HDAC7: variants seen among roughly 807,000 people sequenced by gnomAD.
HDAC7 encodes the protein histone deacetylase 7, also known as histone deacetylase 7A.
HDAC7 carries 26 observed loss-of-function variants against 115.5 expected under a neutral mutation model. The observed-to-expected ratio is 0.23, with a 90% confidence interval of 0.16 to 0.31. The LOEUF (loss-of-function observed/expected upper bound fraction) is 0.31, where lower values mean the gene tolerates loss of function less well. Ranked by LOEUF, HDAC7 falls within the 10% of genes least tolerant of loss-of-function variation. HDAC7 has a pLI of 1.00. For missense variants in HDAC7, 1,068 were observed against 1,329.0 expected, an observed-to-expected ratio of 0.80 and a Z score of 3.05; for synonymous variants, 564 against 550.9, an observed-to-expected ratio of 1.02 and a Z score of -0.33.
chr12:47,792,564 C>A, intron 13 of HDAC7: 1 of 449,748 alleles, frequency 2.2e-6, no homozygotes, highest in Non-Finnish European at 4.5e-6. Context: ...GAGGAGGGTC[C>A]TGCTCATTGC....
Position 47,786,713 on chromosome 12 carries a change from C to T in HDAC7, c.2454-10G>A. 5.0e-6 allele frequency: 8 copies of T among 1,606,160 alleles called. No homozygotes were observed. Among genetic ancestry groups the T allele is most frequent in the Non-Finnish European group, 6.8e-6 (8 of 1,172,966 alleles). The stretch of plus-strand genomic sequence containing the variant: ...GGGCATCACGACTATCCTGTGAGGT[C>T]ACAAGAAGTGGCGATCATCGTACTG... On this transcript the variant is annotated splice_polypyrimidine_tract_variant and intron_variant, in intron 21 of 25. Transcript: ENST00000080059.
chr12:47,805,254 T>TG (rs1944347646), intron 1 of HDAC7, among the ~76,000 whole-genome samples: 1 of 151,258 alleles, frequency 6.6e-6, no homozygotes, highest in Non-Finnish European at 1.5e-5. Context: ...TTGTTTTGTT[T>TG]TGTTGTTTTT....
intron 17 of HDAC7, 28 bp downstream of exon 17, chr12:47,789,785 G>A: frequency 3.2e-6 from 5 of 1,556,048 alleles, no homozygotes; most frequent in Non-Finnish European, 4.4e-6. Flanking sequence ...CCTTTGTGGT[G>A]TGTCCACCTT....
At chr12:47,807,265 C>T (rs2137036716) in intron 1 of HDAC7, among the ~76,000 whole-genome samples, 1 of 152,308 alleles carries the variant, frequency 6.6e-6, no homozygotes. Context: ...TATCCCCAGC[C>T]TCTCCCAACT....
Position 47,795,504 on chromosome 12 carries a change from G to A in HDAC7, c.1087+83C>T. 1 of 1,448,982 alleles carries A rather than the reference G, an allele frequency of 6.9e-7. No individual in the cohort carries two copies. The highest frequency in any genetic ancestry group is 9.4e-7 in the Non-Finnish European group (1 of 1,061,094). 89.8% of individuals were successfully genotyped at this position (1,448,982 alleles called of 1,614,324 possible). Reference sequence around the variant, plus strand: ...CGCAGGACAGGGGGACAGAGATGGGGAGGAAGGATGGGTCCATCCCAAGCT... The same window carrying A: ...CGCAGGACAGGGGGACAGAGATGGGAAGGAAGGATGGGTCCATCCCAAGCT... On this transcript the variant is annotated intron_variant, in intron 10 of 25. Coordinates refer to ENST00000080059, the MANE Select transcript of HDAC7 (RefSeq NM_015401.5). The surrounding 1 kb of genome is among the most constrained non-coding windows in gnomAD (Gnocchi z 4.3).
At chr12:47,799,046 T>G in intron 2 of HDAC7, 74 bp from the exon 3 acceptor site, 1 of 1,026,812 alleles carries the variant, frequency 9.7e-7, no homozygotes, top group Non-Finnish European at 1.4e-6. Context: ...TGATCCCCCC[T>G]CAGCCTCCCT....
At chr12:47,806,704 A>C (rs1944420187) in intron 1 of HDAC7, among the ~76,000 whole-genome samples, 1 of 151,996 alleles carries the variant, frequency 6.6e-6, no homozygotes, top group African/African-American at 2.4e-5. Flanking sequence ...CAAAAACAAA[A>C]ACAAACAAAA....
intron 1 of HDAC7, among the ~76,000 whole-genome samples, chr12:47,806,433 T>C (rs1470096369): frequency 3.9e-5 from 6 of 152,116 alleles, no homozygotes; most frequent in African/African-American, 1.4e-4. Context: ...TCCCAGAACT[T>C]TGGGGAAGTT....
chr12:47,796,699 T>A (rs1446602457), intron 7 of HDAC7, among the ~76,000 whole-genome samples: 2 of 152,134 alleles, frequency 1.3e-5, no homozygotes, highest in African/African-American at 4.8e-5. Flanking sequence ...GCTGAGATTA[T>A]AGGCGTGAAC....
rs1261025772 is a variant in HDAC7, at chr12:47,791,312, C to A, written c.1934-4G>T. 3 of 1,586,024 alleles carry A rather than the reference C, an allele frequency of 1.9e-6. No homozygotes were observed. Among genetic ancestry groups the A allele is most frequent in the Non-Finnish European group, 1.7e-6 (2 of 1,166,214 alleles). On this transcript the variant is annotated splice_polypyrimidine_tract_variant and splice_region_variant and intron_variant, in intron 15 of 25. Transcript: ENST00000080059. Reference sequence around the variant, plus strand: ...AACATCCGCTGTGCCAGGAGCCCTGCGGGGAGAGGCCCAGCCCACGTCAGC... The same window carrying A: ...AACATCCGCTGTGCCAGGAGCCCTGAGGGGAGAGGCCCAGCCCACGTCAGC...
Position 47,793,482 on chromosome 12 carries a change from C to A in HDAC7, c.1565G>T (p.Arg522Leu). 1 of 1,551,524 alleles carries A rather than the reference C, an allele frequency of 6.4e-7. No homozygotes were observed. Among genetic ancestry groups the A allele is most frequent in the Non-Finnish European group, 8.7e-7 (1 of 1,147,992 alleles). Residue 522 changes from arginine to leucine, a missense_variant, in exon 13 of 26, where the codon CGG becomes CTG. Physicochemically the swap from Arg to Leu is moderately radical, Grantham distance 102. Transcript: ENST00000080059. This position sits in a 1 kb window ranked among gnomAD's most constrained non-coding sequence, Gnocchi z 4.5. ...AGGTGCGGCTGGGGAAGACTGAGCC[C>A]GGGACAGAGGCCGGTGCCCACCCTG... ...LAQGGHRPLS[R>L]AQSSPAAPAS...
In HDAC7 at chr12:47,783,470, T is replaced by G; in HGVS notation, c.*371A>C. ...GTGGAGCCTGAGGCTGTGTGCAAAG[T>G]CTGGGGTTTGCAGAGCCAGGAATAG... On this transcript the variant is annotated 3_prime_UTR_variant, in exon 26 of 26. Coordinates refer to ENST00000080059, the MANE Select transcript of HDAC7 (RefSeq NM_015401.5). 3.6e-6 allele frequency: 1 copy of G among 277,730 alleles called. No homozygotes were observed. Among genetic ancestry groups the G allele is most frequent in the Non-Finnish European group, 7.1e-6 (1 of 140,096 alleles). The allele number at this position is 277,730 out of a possible 1,614,324, so 17.2% of individuals were successfully genotyped here.
In HDAC7 at chr12:47,798,096, G is replaced by A; in HGVS notation, c.461+12C>T. The A allele has an allele frequency of 2.5e-6, 4 of 1,593,088 alleles. No homozygotes were observed. The highest frequency in any genetic ancestry group is 3.4e-6 in the Non-Finnish European group (4 of 1,161,036). ...CATGTGGGGACAGGAGGGCAGGTGAGGAGGGTGTTACCTGTAGGGAATGCC... is the reference window on the plus strand; with the variant it reads ...CATGTGGGGACAGGAGGGCAGGTGAAGAGGGTGTTACCTGTAGGGAATGCC... On this transcript the variant is annotated intron_variant, in intron 5 of 25. Transcript: ENST00000080059. This position sits in a 1 kb window ranked among gnomAD's most constrained non-coding sequence, Gnocchi z 4.3.
intron 21 of HDAC7, among the ~76,000 whole-genome samples, chr12:47,787,077 TG>T (rs1302164062): frequency 6.6e-6 from 1 of 152,184 alleles, no homozygotes; most frequent in African/African-American, 2.4e-5. Context: ...CTTGCGGAGA[TG>T]GACTCTGGTC....
At position 47,798,916 on chromosome 12, in the gene HDAC7, G is replaced by A. The variant is rs556987116; in HGVS notation, c.127C>T (p.Arg43Trp). ...TCCACTGGGGGCCGCTGGCCCACCC[G>A]CAGGTCCATGGGCTGCGGCTGAGGG... ...PGPQPQPMDL[R>W]VGQRPPVEPP... The change falls in exon 3 of 26, where the codon CGG becomes TGG. Residue 43 changes from arginine (R) to tryptophan (W), a missense_variant. Around this residue, in one of 6 missense-constraint regions of HDAC7, gnomAD observed 161 missense variants for 158.5 expected, o/e 1.02. Transcript: ENST00000080059. The surrounding 1 kb of genome is among the most constrained non-coding windows in gnomAD (Gnocchi z 4.3). 8.5e-6 allele frequency: 13 copies of A among 1,533,594 alleles called. No homozygotes were observed. The highest frequency in any genetic ancestry group is 4.8e-5 in the Admixed American group (2 of 41,302). The allele number at this position is 1,533,594 out of a possible 1,614,324, so 95.0% of individuals were successfully genotyped here.
intron 1 of HDAC7, among the ~76,000 whole-genome samples, chr12:47,810,842 C>CTCTCTCTCTCTCTA (rs1565585991): frequency 4.3e-5 from 4 of 93,238 alleles, no homozygotes; most frequent in South Asian, 3.3e-4. Context: ...CTCTCTCTCT[C>CTCTCTCTCTCTCTA]TCTCTATCTC....
intron 1 of HDAC7, among the ~76,000 whole-genome samples, chr12:47,816,419 T>G (rs1944851359): frequency 6.6e-6 from 1 of 152,118 alleles, no homozygotes. Context: ...ATACAGATGA[T>G]GCACATCTGT....
rs1265098528 is a variant in HDAC7 at position 47,803,182 on chromosome 12, C to T, written c.20-908G>A. 1.3e-5 allele frequency among the ~76,000 whole-genome samples: 2 copies of T among 152,190 alleles called. No individual in the cohort carries two copies. The highest frequency in any genetic ancestry group is 4.1e-4 in the South Asian group (2 of 4,832). ...CCTGAGGCCACCTGTCCAGGACAGA[C>T]ACCTTTCCCTCTTGCTGTCCAGTTC... On this transcript the variant is annotated intron_variant, in intron 1 of 25. Transcript: ENST00000080059. The surrounding 1 kb of genome is among the most constrained non-coding windows in gnomAD (Gnocchi z 4.0).
At chr12:47,808,594 G>C (rs930411621) in intron 1 of HDAC7, among the ~76,000 whole-genome samples, 1 of 152,142 alleles carries the variant, frequency 6.6e-6, no homozygotes, top group Non-Finnish European at 1.5e-5. Flanking sequence ...TCCTCTGACA[G>C]AGAAAAACAG....
Sources: gnomAD v4.1 joint callset for allele counts (sites outside exome capture counted in the v4.1 genomes callset) on GRCh38, gnomAD v4.1.1 for gene constraint, gnomAD v4.1.1 regional missense constraint, Gnocchi (gnomAD v3.1) non-coding constraint, MANE v1.5 for transcripts, NCBI Gene and HGNC (gene_info 2026-07-23, HGNC 2026-07-21) for gene names.